Variants in IQGAP2 observed in about 807,000 individuals in gnomAD.
IQGAP2 encodes ras GTPase-activating-like protein IQGAP2.
In IQGAP2, 173 loss-of-function variants were observed where a neutral mutation model predicts 201.3. The ratio of observed to expected loss-of-function variants is 0.86; its 90% CI spans 0.76 to 0.98. IQGAP2 has a LOEUF of 0.98. Among genes scored for constraint, IQGAP2 ranks in the 50% least tolerant of loss-of-function variants. IQGAP2 has a pLI of 0.00. For missense variants in IQGAP2, 1,687 were observed against 1,864.8 expected, an observed-to-expected ratio of 0.90 and a Z score of 1.76; for synonymous variants, 675 against 673.9, an observed-to-expected ratio of 1.00 and a Z score of -0.03.
At chr5:76,569,333 G>C (rs1359159413) in intron 3 of IQGAP2, among the ~76,000 whole-genome samples, 1 of 151,982 alleles carries the variant, frequency 6.6e-6, no homozygotes, top group Non-Finnish European at 1.5e-5. Context: ...ATTCCATTGT[G>C]TGAATGCACC....
At chr5:76,436,444 T>A (rs1752653850) in intron 1 of IQGAP2, among the ~76,000 whole-genome samples, 1 of 137,334 alleles carries the variant, frequency 7.3e-6, no homozygotes, top group African/African-American at 2.7e-5. Context: ...CTAGGTTTTA[T>A]CAGATGCTTT....
intron 2 of IQGAP2, among the ~76,000 whole-genome samples, chr5:76,505,905 C>T (rs554412363): frequency 1.3e-5 from 2 of 152,288 alleles, no homozygotes; most frequent in East Asian, 3.9e-4. Flanking sequence ...TGCTCAGCAA[C>T]CCCCACACTT....
At chr5:76,543,946 A>T (rs1010827635) in intron 2 of IQGAP2, among the ~76,000 whole-genome samples, 1 of 152,194 alleles carries the variant, frequency 6.6e-6, no homozygotes, top group Non-Finnish European at 1.5e-5. Context: ...ATTGTTAGGC[A>T]GGTGAAATGG....
intron 1 of IQGAP2, among the ~76,000 whole-genome samples, chr5:76,431,649 C>T (rs1317078629): frequency 1.3e-5 from 2 of 151,960 alleles, no homozygotes; most frequent in Non-Finnish European, 2.9e-5. Context: ...ATGGTGAAAC[C>T]CCAGCTCTAC....
chr5:76,626,261 TC>T lies in IQGAP2; in HGVS notation c.1522-1148del, dbSNP rs774454352. Among the ~76,000 whole-genome samples the T allele has an allele frequency of 1.0e-2, 510 of 51,176 alleles. 3 individuals carry two copies. Among genetic ancestry groups the T allele is most frequent in the African/African-American group, 0.034 (440 of 12,970 alleles). The allele number at this position is 51,176 out of a possible 152,430, so 33.6% of individuals were successfully genotyped here. On this transcript the variant is annotated intron_variant, in intron 13 of 35. Coordinates refer to ENST00000274364, the MANE Select transcript of IQGAP2 (RefSeq NM_006633.5). ...GTATTATAATTCTTTTTCTTTTTTT[TC>T]TTCTTTTCTTTTTTTTTTTTTTTTT...
Position 76,403,640 on chromosome 5 carries a change from T to A in IQGAP2, c.46+49T>A. ...TTCCTGCTGGCCTTGGGGAGCTCCC[T>A]CCCCGAGGACGGCGTTGGAGAAGCC... is the stretch of plus-strand genomic sequence containing the variant. On this transcript the variant is annotated intron_variant, in intron 1 of 35. Coordinates refer to ENST00000274364, the MANE Select transcript of IQGAP2 (RefSeq NM_006633.5). The surrounding 1 kb of genome is among the most constrained non-coding windows in gnomAD (Gnocchi z 4.8). 7.1e-7 allele frequency: 1 copy of A among 1,416,996 alleles called. No homozygotes were observed. The highest frequency in any genetic ancestry group is 9.3e-7 in the Non-Finnish European group (1 of 1,074,432). 87.8% of individuals were successfully genotyped at this position (1,416,996 alleles called of 1,614,324 possible). A position where few individuals can be genotyped will look rare whatever the true frequency, so the allele number is the denominator to read the frequency against.
intron 13 of IQGAP2, among the ~76,000 whole-genome samples, chr5:76,621,061 T>C (rs1749614690): frequency 6.6e-6 from 1 of 152,242 alleles, no homozygotes; most frequent in African/African-American, 2.4e-5. Context: ...CTCATTCTTA[T>C]CGATTTAAAA....
intron 2 of IQGAP2, among the ~76,000 whole-genome samples, chr5:76,494,950 T>C (rs1227308794): frequency 6.6e-6 from 1 of 152,210 alleles, no homozygotes; most frequent in Non-Finnish European, 1.5e-5. Context: ...AAAGTTTCCA[T>C]TTAGACTGTG....
In IQGAP2 at chr5:76,673,327, G is replaced by T. The variant is rs534496176; in HGVS notation, c.3069-122G>T. ...CCTCCCCTCATTTAGTAAACATTTT[G>T]TTACTGGAGTCAGTGGCAAAGTCCA... On this transcript the variant is annotated intron_variant, in intron 24 of 35. Transcript: ENST00000274364. The T allele has an allele frequency of 4.3e-6, 4 of 936,330 alleles. No individual in the cohort carries two copies. In the South Asian group the frequency reaches 8.3e-5, roughly 20 times the overall value. 58.0% of individuals were successfully genotyped at this position (936,330 alleles called of 1,614,324 possible). A position where few individuals can be genotyped will look rare whatever the true frequency, so the allele number is the denominator to read the frequency against.
chr5:76,695,835 C>CTT (rs56984768), intron 32 of IQGAP2, among the ~76,000 whole-genome samples, 169 bp downstream of exon 32: 2,092 of 83,018 alleles, frequency 0.025, 103 homozygotes, highest in African/African-American at 0.043. Context: ...CAGTTGATGA[C>CTT]TTTTTTTTTT....
At position 76,470,526 on chromosome 5, in the gene IQGAP2, T is replaced by A. The variant is rs568663841; in HGVS notation, c.146+8857T>A. 2.0e-5 allele frequency among the ~76,000 whole-genome samples: 3 copies of A among 152,342 alleles called. 1 individual carries two copies. In the South Asian group the frequency reaches 6.2e-4, roughly 32 times the overall value. ...ATCAGAAATTGAATCCTTCCTGATC[T>A]GAATGCTTACGGTTCTAAGCTTACT... On this transcript the variant is annotated intron_variant, in intron 2 of 35. Transcript: ENST00000274364.
At chr5:76,681,409 C>T (rs530737873) in intron 28 of IQGAP2, among the ~76,000 whole-genome samples, 1 of 151,806 alleles carries the variant, frequency 6.6e-6, no homozygotes, top group African/African-American at 2.4e-5. Flanking sequence ...AAACAAAGGA[C>T]TTTAACAGAT....
chr5:76,658,848 C>T (rs1742996407), intron 21 of IQGAP2, among the ~76,000 whole-genome samples, 181 bp downstream of exon 21: 1 of 152,120 alleles, frequency 6.6e-6, no homozygotes, highest in Non-Finnish European at 1.5e-5. Flanking sequence ...CACATCTAGG[C>T]TATATGGTAA....
chr5:76,654,975 C>G lies in IQGAP2; in HGVS notation c.2292C>G (p.Asn764Lys), dbSNP rs1752798574. The G allele has an allele frequency of 6.2e-7, 1 of 1,612,610 alleles. No homozygotes were observed. Among genetic ancestry groups the G allele is most frequent in the South Asian group, 1.1e-5 (1 of 90,976 alleles). Residue 764 changes from asparagine to lysine, a missense_variant, in exon 20 of 36, where the codon AAC (asparagine) becomes AAG (lysine). Physicochemically the swap from Asn to Lys is moderately conservative, Grantham distance 94. Coordinates refer to ENST00000274364, the MANE Select transcript of IQGAP2 (RefSeq NM_006633.5). ...IVKIQSLLRA[N>K]KARDDYKTLV... is the part of the protein sequence containing the mutation. ...AAATACAGTCACTGTTGAGAGCGAA[C>G]AAAGCTAGAGATGACTACAAAACAT... is the stretch of plus-strand genomic sequence containing the variant.
At chr5:76,477,150 C>T (rs1755481597) in intron 2 of IQGAP2, among the ~76,000 whole-genome samples, 1 of 151,744 alleles carries the variant, frequency 6.6e-6, no homozygotes, top group Non-Finnish European at 1.5e-5. Flanking sequence ...GCCTGGGCAA[C>T]ATGGTGAAAC....
rs1258433106 is a variant in IQGAP2 at position 76,611,182 on chromosome 5, G to A, written c.1520G>A (p.Gly507Glu). Reference sequence around the variant, plus strand: ...TACCATGCTAAATCACAGAAACTCGGAGTAAGTTTTAGTATATCTGTTTCT... The same window carrying A: ...TACCATGCTAAATCACAGAAACTCGAAGTAAGTTTTAGTATATCTGTTTCT... The part of the protein sequence containing the change: ...VLYHAKSQKL[G>E]DSESVSKVLW... The change falls in exon 13 of 36, where the codon GGA becomes GAA. Residue 507 changes from glycine (G) to glutamate (E), a missense_variant and splice_region_variant. Gly to Glu is a moderately conservative substitution (Grantham distance 98). Transcript: ENST00000274364. The A allele has an allele frequency of 6.8e-6, 11 of 1,606,794 alleles. No individual in the cohort carries two copies. The highest frequency in any genetic ancestry group is 7.6e-6 in the Non-Finnish European group (9 of 1,177,566).
At chr5:76,618,225 A>G in intron 13 of IQGAP2, 1 of 1,614,200 alleles carries the variant, frequency 6.2e-7, no homozygotes, top group Non-Finnish European at 8.5e-7. Context: ...GACCTCTCCA[A>G]ATACCCAGTT....
chr5:76,434,514 A>T (rs1580181552), intron 1 of IQGAP2, among the ~76,000 whole-genome samples: 1 of 152,150 alleles, frequency 6.6e-6, no homozygotes, highest in East Asian at 1.9e-4. Flanking sequence ...TTGCTGCAAA[A>T]GACATTATTT....
chr5:76,613,410 C>G (rs1243225280), intron 13 of IQGAP2, among the ~76,000 whole-genome samples: 3 of 152,064 alleles, frequency 2.0e-5, no homozygotes, highest in Non-Finnish European at 4.4e-5. Flanking sequence ...TGATCTTGGT[C>G]AAATCATCAA....
Sources: gnomAD v4.1 joint callset for allele counts (sites outside exome capture counted in the v4.1 genomes callset) on GRCh38, gnomAD v4.1.1 for gene constraint, Gnocchi (gnomAD v3.1) non-coding constraint, MANE v1.5 for transcripts, NCBI Gene and HGNC (gene_info 2026-07-23, HGNC 2026-07-21) for gene names.